SEMA3C: variants seen among roughly 807,000 people sequenced by gnomAD.
SEMA3C encodes semaphorin 3C, also known as semaphorin-3C.
A neutral mutation model predicts 89.4 loss-of-function variants in SEMA3C; 47 were observed. The ratio of observed to expected loss-of-function variants is 0.53; its 90% CI spans 0.42 to 0.67. SEMA3C has a LOEUF of 0.67. Among genes scored for constraint, SEMA3C ranks in the 30% least tolerant of loss-of-function variants. The pLI is 0.00. For missense variants in SEMA3C, 839 were observed against 929.1 expected, an observed-to-expected ratio of 0.90 and a Z score of 1.26; for synonymous variants, 310 against 320.2, an observed-to-expected ratio of 0.97 and a Z score of 0.34.
At chr7:80,797,725 T>C (rs1160437356) in intron 11 of SEMA3C, among the ~76,000 whole-genome samples, 2 of 152,056 alleles carry the variant, frequency 1.3e-5, no homozygotes, top group African/African-American at 4.8e-5. Context: ...TCAGGCCGGG[T>C]GCGGTGGCTC....
At chr7:80,878,027 G>T (rs1791240487) in intron 2 of SEMA3C, among the ~76,000 whole-genome samples, 1 of 152,096 alleles carries the variant, frequency 6.6e-6, no homozygotes, top group African/African-American at 2.4e-5. Flanking sequence ...ATTACACTTT[G>T]TAAGTTGAGC....
chr7:80,911,567 C>G (rs1437429219), intron 2 of SEMA3C, among the ~76,000 whole-genome samples: 2 of 150,756 alleles, frequency 1.3e-5, no homozygotes, highest in East Asian at 3.9e-4. Flanking sequence ...ATAAAGAGTT[C>G]AATTTAGTAA....
At chr7:80,759,975 A>G (rs940519117) in intron 14 of SEMA3C, among the ~76,000 whole-genome samples, 1 of 152,242 alleles carries the variant, frequency 6.6e-6, no homozygotes, top group East Asian at 1.9e-4. Flanking sequence ...TCTAGATAGT[A>G]TACTTTTTAT....
intron 2 of SEMA3C, among the ~76,000 whole-genome samples, chr7:80,862,852 C>T (rs1005369060): frequency 5.3e-5 from 8 of 152,114 alleles, no homozygotes; most frequent in African/African-American, 1.9e-4. Context: ...AAAGGACATC[C>T]TTTTCAACAA....
At chr7:80,770,674 A>G (rs1433136072) in intron 12 of SEMA3C, among the ~76,000 whole-genome samples, 1 of 152,204 alleles carries the variant, frequency 6.6e-6, no homozygotes, top group African/African-American at 2.4e-5. Flanking sequence ...CTACCTGGTT[A>G]AGGAATGGTT....
chr7:80,811,127 T>C (rs912882992), intron 5 of SEMA3C, among the ~76,000 whole-genome samples: 2 of 152,218 alleles, frequency 1.3e-5, no homozygotes, highest in Non-Finnish European at 2.9e-5. Flanking sequence ...TTTATGTTAC[T>C]GTTTAATTTT....
chr7:80,875,895 A>T (rs1791189848), intron 2 of SEMA3C, among the ~76,000 whole-genome samples: 1 of 152,152 alleles, frequency 6.6e-6, no homozygotes, highest in South Asian at 2.1e-4. Context: ...GAGATTGCTA[A>T]GACCTACAGT....
chr7:80,791,008 C>T (rs928759676), intron 11 of SEMA3C, among the ~76,000 whole-genome samples: 1 of 152,020 alleles, frequency 6.6e-6, no homozygotes, highest in Non-Finnish European at 1.5e-5. Context: ...TTGATTGTAT[C>T]TGGCCTGCAA....
chr7:80,850,008 T>C (rs1272867808), intron 2 of SEMA3C, among the ~76,000 whole-genome samples: 2 of 152,126 alleles, frequency 1.3e-5, no homozygotes, highest in South Asian at 2.1e-4. Flanking sequence ...TCTTACAAGA[T>C]ATTTAAATGA....
chr7:80,922,092 C>A (rs1792419440), upstream of SEMA3C, among the ~76,000 whole-genome samples: 2 of 152,064 alleles, frequency 1.3e-5, no homozygotes, highest in Admixed American at 1.3e-4. Context: ...TTGCGAGGTA[C>A]TTTGCTTATT....
At chr7:80,794,042 G>A (rs1789005185) in intron 11 of SEMA3C, among the ~76,000 whole-genome samples, 1 of 151,968 alleles carries the variant, frequency 6.6e-6, no homozygotes, top group African/African-American at 2.4e-5. Flanking sequence ...CATAGTTGAA[G>A]ACTTGTGCTT....
At chr7:80,845,661 C>A (rs560086641) in intron 2 of SEMA3C, among the ~76,000 whole-genome samples, 1 of 152,264 alleles carries the variant, frequency 6.6e-6, no homozygotes, top group South Asian at 2.1e-4. Flanking sequence ...CTAGTCATCT[C>A]TGATGGAAAA....
intron 2 of SEMA3C, among the ~76,000 whole-genome samples, chr7:80,842,840 G>A (rs1315429522): frequency 6.6e-6 from 1 of 152,128 alleles, no homozygotes; most frequent in African/African-American, 2.4e-5. Flanking sequence ...TTCTAGTGCA[G>A]AATCTGTCTT....
intron 4 of SEMA3C, among the ~76,000 whole-genome samples, chr7:80,820,085 T>G (rs919992804): frequency 7.1e-6 from 1 of 140,258 alleles, no homozygotes; most frequent in Non-Finnish European, 1.5e-5. Flanking sequence ...AGAGACAGAG[T>G]CTTGCTCTGT....
At position 80,778,124 on chromosome 7, in the gene SEMA3C, A is replaced by T. The variant is rs374190135; in HGVS notation, c.1354+11182T>A. ...GTGATAATCCATCAAAAAATGAATT[A>T]TTACCATTATTTCCTGTGATATAGC... is the stretch of plus-strand genomic sequence containing the variant. On this transcript the variant is annotated intron_variant, in intron 12 of 17. Transcript: ENST00000265361. 8.5e-5 allele frequency among the ~76,000 whole-genome samples: 13 copies of T among 152,300 alleles called. No individual in the cohort carries two copies. In the East Asian group the frequency reaches 1.2e-3, roughly 14 times the overall value.
At chr7:80,877,117 T>G (rs1791220129) in intron 2 of SEMA3C, among the ~76,000 whole-genome samples, 1 of 152,206 alleles carries the variant, frequency 6.6e-6, no homozygotes, top group African/African-American at 2.4e-5. Context: ...ACAGTTTGCT[T>G]CTGAGTCAGC....
chr7:80,790,045 G>A (rs563123636), intron 11 of SEMA3C, among the ~76,000 whole-genome samples: 1 of 152,218 alleles, frequency 6.6e-6, no homozygotes, highest in East Asian at 1.9e-4. Context: ...AGCACTTTGG[G>A]AGGCTGAGAT....
At chr7:80,762,651 C>G (rs1415621893) in intron 13 of SEMA3C, among the ~76,000 whole-genome samples, 1 of 152,080 alleles carries the variant, frequency 6.6e-6, no homozygotes, top group East Asian at 1.9e-4. Flanking sequence ...GAAACCCTGT[C>G]TCTACTACAA....
intron 2 of SEMA3C, among the ~76,000 whole-genome samples, chr7:80,853,195 G>A (rs1790557512): frequency 6.6e-6 from 1 of 152,090 alleles, no homozygotes; most frequent in East Asian, 1.9e-4. Flanking sequence ...AGCCACTATG[G>A]AGAACAGCTT....
Sources: allele counts gnomAD v4.1 joint callset (sites outside exome capture counted in the v4.1 genomes callset), GRCh38; gene constraint gnomAD v4.1.1; transcripts MANE v1.5; gene names NCBI Gene and HGNC (gene_info 2026-07-23, HGNC 2026-07-21).